Variants in ROCK2 observed in about 807,000 individuals in gnomAD.
The protein encoded by ROCK2 is Rho associated coiled-coil containing protein kinase 2, also known as rho-associated protein kinase 2.
ROCK2 carries 61 observed loss-of-function variants against 195.1 expected under a neutral mutation model. The observed-to-expected ratio is 0.31, with a 90% CI of 0.25 to 0.39. ROCK2 has a LOEUF of 0.39. ROCK2 is among the 10% of genes least tolerant of loss of function. The pLI is 1.00. For missense variants in ROCK2, 1,109 were observed against 1,637.4 expected (o/e 0.68, Z 5.57); for synonymous variants, 504 against 545.5 (o/e 0.92, Z 1.06).
chr2:11,215,282 T>A (rs756808437), intron 15 of ROCK2, 39 bp downstream of exon 15: 1 of 1,498,264 alleles, frequency 6.7e-7, no homozygotes, highest in Non-Finnish European at 9.1e-7. Context: ...GCGTTAAAAA[T>A]AAAACCCAGT....
At chr2:11,312,590 G>T (rs1261031347) in intron 1 of ROCK2, among the ~76,000 whole-genome samples, 1 of 152,064 alleles carries the variant, frequency 6.6e-6, no homozygotes, top group Admixed American at 6.6e-5. Flanking sequence ...ATAATTCTGA[G>T]ATTCATCTTT....
chr2:11,217,033 A>C, intron 12 of ROCK2, 57 bp downstream of exon 12: 1 of 922,050 alleles, frequency 1.1e-6, no homozygotes. Flanking sequence ...CTCTTTTTTC[A>C]GTAAATGTTT....
At chr2:11,198,884 T>A (rs897826819) in intron 23 of ROCK2, 110 bp from the exon 24 acceptor site, 2 of 154,520 alleles carry the variant, frequency 1.3e-5, no homozygotes, top group Non-Finnish European at 2.0e-5. Flanking sequence ...CTTATTTTTC[T>A]TTTTTTTTTT....
At chr2:11,251,067 T>C (rs941173961) in intron 3 of ROCK2, among the ~76,000 whole-genome samples, 1 of 152,208 alleles carries the variant, frequency 6.6e-6, no homozygotes, top group South Asian at 2.1e-4. Flanking sequence ...CAGCTCACTA[T>C]TCCCTTCTGC....
intron 1 of ROCK2, among the ~76,000 whole-genome samples, chr2:11,318,040 CT>C (rs1668280849): frequency 6.6e-6 from 1 of 152,072 alleles, no homozygotes; most frequent in Non-Finnish European, 1.5e-5. Flanking sequence ...GGTTCCAAGT[CT>C]TTGCTATTGT....
chr2:11,317,166 A>T (rs2148240410), intron 1 of ROCK2, among the ~76,000 whole-genome samples: 1 of 152,244 alleles, frequency 6.6e-6, no homozygotes, highest in Middle Eastern at 3.4e-3. Context: ...AAGTAACTAA[A>T]AGACATGTAA....
intron 1 of ROCK2, among the ~76,000 whole-genome samples, chr2:11,327,903 T>A (rs1380122719): frequency 6.6e-6 from 1 of 152,188 alleles, no homozygotes; most frequent in Non-Finnish European, 1.5e-5. Flanking sequence ...CTTTTGTAAT[T>A]TAAAAAATGA....
At chr2:11,304,362 A>G (rs983607608) in intron 1 of ROCK2, among the ~76,000 whole-genome samples, 1 of 152,160 alleles carries the variant, frequency 6.6e-6, no homozygotes, top group South Asian at 2.1e-4. Flanking sequence ...TACTGAGGCC[A>G]ATAATGTTAA....
chr2:11,189,197 A>G (rs1319603397), intron 32 of ROCK2, among the ~76,000 whole-genome samples: 1 of 152,224 alleles, frequency 6.6e-6, no homozygotes, highest in East Asian at 1.9e-4. Flanking sequence ...TGTTTTAAGA[A>G]GGATACCATG....
At position 11,327,107 on chromosome 2, in the gene ROCK2, T is replaced by C. The variant is rs148540017; in HGVS notation, c.141+16889A>G. On this transcript the variant is annotated intron_variant, in intron 1 of 32. Transcript: ENST00000315872. ...ATCCATCACTGCTCAACAAATGCTT[T>C]TTTTGTTGGCCAAAGAGACAAACTG... 3.9e-5 allele frequency among the ~76,000 whole-genome samples: 6 copies of C among 152,294 alleles called. No individual in the cohort carries two copies. In the East Asian group the frequency reaches 1.2e-3, roughly 29 times the overall value.
At chr2:11,332,331 T>C (rs923444749) in intron 1 of ROCK2, among the ~76,000 whole-genome samples, 1 of 152,182 alleles carries the variant, frequency 6.6e-6, no homozygotes, top group Non-Finnish European at 1.5e-5. Context: ...TGATCTGTAT[T>C]TGTATTCTAT....
chr2:11,311,760 C>T (rs540371577), intron 1 of ROCK2, among the ~76,000 whole-genome samples: 60 of 149,978 alleles, frequency 4.0e-4, no homozygotes, highest in Middle Eastern at 6.8e-3. Flanking sequence ...AAAGCGCACA[C>T]GCGCGTGCAC....
intron 20 of ROCK2, among the ~76,000 whole-genome samples, chr2:11,204,300 A>G (rs1332104260): frequency 6.6e-6 from 1 of 152,100 alleles, no homozygotes; most frequent in East Asian, 1.9e-4. Flanking sequence ...AAGTGGTATA[A>G]TGAACCCCCC....
rs183358471 is a variant in ROCK2, at chr2:11,185,772, A to T, written c.4164-2332T>A. On this transcript the variant is annotated intron_variant, in intron 32 of 32. Coordinates refer to ENST00000315872, the MANE Select transcript of ROCK2 (RefSeq NM_004850.5). ...ATAAAAATAAAAATAAATAAATAAT[A>T]AAAAAAAGCAGTAACTTTTTCATTT... is the stretch of plus-strand genomic sequence containing the variant. Among the ~76,000 whole-genome samples, 476 of 58,658 alleles carry T rather than the reference A, an allele frequency of 8.1e-3. 2 individuals carry two copies. The highest frequency in any genetic ancestry group is 0.015 in the African/African-American group (417 of 27,862). The allele number at this position is 58,658 out of a possible 152,430, so 38.5% of individuals were successfully genotyped here. A position where few individuals can be genotyped will look rare whatever the true frequency, so the allele number is the denominator to read the frequency against.
intron 3 of ROCK2, among the ~76,000 whole-genome samples, chr2:11,257,116 A>G (rs1666062556): frequency 6.6e-6 from 1 of 151,610 alleles, no homozygotes; most frequent in Admixed American, 6.6e-5. Flanking sequence ...ATCACTTCTC[A>G]TTTTAAAATA....
chr2:11,291,302 C>A (rs905381885), intron 1 of ROCK2, among the ~76,000 whole-genome samples: 7 of 152,340 alleles, frequency 4.6e-5, no homozygotes, highest in East Asian at 1.9e-4. Context: ...GTAATCCCAG[C>A]ACTTTGGGAG....
At position 11,197,753 on chromosome 2, in the gene ROCK2, G is replaced by C; in HGVS notation, c.3100-48C>G. ...ATAATACATAAATAAAATAAATTACGTTTATGGTTTCTCAGTATCTCATCA... is the reference window on the plus strand; with the variant it reads ...ATAATACATAAATAAAATAAATTACCTTTATGGTTTCTCAGTATCTCATCA... On this transcript the variant is annotated intron_variant, in intron 25 of 32. Coordinates refer to ENST00000315872, the MANE Select transcript of ROCK2 (RefSeq NM_004850.5). The surrounding 1 kb of genome is among the most constrained non-coding windows in gnomAD (Gnocchi z 4.9). 1 of 1,282,104 alleles carries C rather than the reference G, an allele frequency of 7.8e-7. No homozygotes were observed. The highest frequency in any genetic ancestry group is 2.7e-5 in the East Asian group (1 of 36,492). The allele number at this position is 1,282,104 out of a possible 1,614,324, so 79.4% of individuals were successfully genotyped here. A position where few individuals can be genotyped will look rare whatever the true frequency, so the allele number is the denominator to read the frequency against.
At chr2:11,286,694 T>A in intron 2 of ROCK2, 55 bp from the exon 3 acceptor site, 3 of 984,184 alleles carry the variant, frequency 3.0e-6, no homozygotes, top group South Asian at 3.4e-5. Flanking sequence ...TATTTTTACA[T>A]AATCAACATT....
intron 1 of ROCK2, among the ~76,000 whole-genome samples, chr2:11,288,898 C>A (rs1667280083): frequency 6.6e-6 from 1 of 151,940 alleles, no homozygotes; most frequent in Non-Finnish European, 1.5e-5. Flanking sequence ...ACAGTGACAC[C>A]CTGTCTCTGA....
Sources: allele counts gnomAD v4.1 joint callset (sites outside exome capture counted in the v4.1 genomes callset), GRCh38; gene constraint gnomAD v4.1.1; non-coding constraint Gnocchi (gnomAD v3.1); transcripts MANE v1.5; gene names NCBI Gene and HGNC (gene_info 2026-07-23, HGNC 2026-07-21).